Variants in ELAVL2 observed in about 807,000 individuals in gnomAD.
ELAVL2 encodes the protein ELAV-like protein 2.
Under a neutral mutation model 34.6 loss-of-function variants are expected in ELAVL2, and 4 were observed. The observed-to-expected ratio is 0.12, with a 90% CI of 0.06 to 0.26. ELAVL2 has a LOEUF of 0.26. Among genes scored for constraint, ELAVL2 ranks in the 10% least tolerant of loss-of-function variants. ELAVL2 has a pLI of 1.00. For synonymous variants in ELAVL2, 193 were observed against 154.8 expected, an observed-to-expected ratio of 1.25 and a Z score of -1.83; for missense variants, 432 against 442.8, an observed-to-expected ratio of 0.98 and a Z score of 0.22.
chr9:23,833,621 T>A, the ELAVL2 span, among the ~76,000 whole-genome samples: 1 of 151,912 alleles, frequency 6.6e-6, no homozygotes, highest in African/African-American at 2.4e-5. Flanking sequence ...ATAATCTTGT[T>A]TTTTTATAAA....
chr9:23,757,810 C>T (rs1487971614), intron 2 of ELAVL2, among the ~76,000 whole-genome samples: 1 of 151,996 alleles, frequency 6.6e-6, no homozygotes, highest in Non-Finnish European at 1.5e-5. Context: ...CTACTGAAGA[C>T]ATTTCTTAAT....
At chr9:23,789,433 A>G (rs539960957) in intron 1 of ELAVL2, among the ~76,000 whole-genome samples, 1 of 152,336 alleles carries the variant, frequency 6.6e-6, no homozygotes, top group East Asian at 1.9e-4. Context: ...TGTGTCCTCA[A>G]CTGAATTCTT....
At chr9:23,725,139 A>G (rs1318307455) in intron 3 of ELAVL2, among the ~76,000 whole-genome samples, 1 of 152,230 alleles carries the variant, frequency 6.6e-6, no homozygotes, top group East Asian at 1.9e-4. Context: ...TAAATACAAA[A>G]CAAACCTTCC....
At chr9:23,693,559 A>T in intron 5 of ELAVL2, 73 bp from the exon 6 acceptor site, 1 of 1,539,650 alleles carries the variant, frequency 6.5e-7, no homozygotes, top group Non-Finnish European at 9.0e-7. Context: ...TGGGCTCATT[A>T]CTGCCATCTT....
At position 23,824,917 on chromosome 9, in the gene ELAVL2, C is replaced by T. The variant is rs796713441; in HGVS notation, c.-16+889G>A. On this transcript the variant is annotated intron_variant, in intron 1 of 6. Transcript: ENST00000397312. The stretch of plus-strand genomic sequence containing the variant: ...GGGTGGCTGCGAAGCCTCGCGGCTG[C>T]AGAGGGGTTCCCCCTCTCCCCGAAG... 1.5e-3 allele frequency among the ~76,000 whole-genome samples: 231 copies of T among 152,244 alleles called. 3 individuals carry two copies. The highest frequency in any genetic ancestry group is 5.4e-3 in the African/African-American group (225 of 41,526).
chr9:23,773,213 A>C (rs2057618078), intron 1 of ELAVL2, among the ~76,000 whole-genome samples: 1 of 152,206 alleles, frequency 6.6e-6, no homozygotes, highest in Non-Finnish European at 1.5e-5. Context: ...TATAAGAGTT[A>C]ATAATGTTTT....
At chr9:23,696,400 A>G (rs924368575) in intron 5 of ELAVL2, among the ~76,000 whole-genome samples, 3 of 152,150 alleles carry the variant, frequency 2.0e-5, no homozygotes, top group Non-Finnish European at 1.5e-5. Flanking sequence ...CTCAAACACA[A>G]GGACTACTAC....
At chr9:23,740,432 C>G (rs2048893756) in intron 2 of ELAVL2, among the ~76,000 whole-genome samples, 1 of 152,194 alleles carries the variant, frequency 6.6e-6, no homozygotes, top group Admixed American at 6.5e-5. Flanking sequence ...TCAACCTTTC[C>G]AAACTCAGTC....
At chr9:23,780,231 C>T (rs1374643718) in intron 1 of ELAVL2, among the ~76,000 whole-genome samples, 2 of 151,954 alleles carry the variant, frequency 1.3e-5, no homozygotes, top group Non-Finnish European at 2.9e-5. Context: ...AATCATTTTA[C>T]ACTTGTTTCC....
At chr9:23,742,348 A>T (rs1394341131) in intron 2 of ELAVL2, among the ~76,000 whole-genome samples, 1 of 152,184 alleles carries the variant, frequency 6.6e-6, no homozygotes, top group Non-Finnish European at 1.5e-5. Flanking sequence ...ATGGGGAAAA[A>T]CTACTGCAAG....
chr9:23,761,580 T>A lies in ELAVL2; in HGVS notation c.229+426A>T, dbSNP rs551908022. On this transcript the variant is annotated intron_variant, in intron 2 of 6. Transcript: ENST00000397312. Reference sequence around the variant, plus strand: ...AATGTGAACATTACCATTTATTTTATCATATATAAGCAAAATGATTATATT... The same window carrying A: ...AATGTGAACATTACCATTTATTTTAACATATATAAGCAAAATGATTATATT... Among the ~76,000 whole-genome samples the A allele has an allele frequency of 5.3e-5, 8 of 152,190 alleles. No individual in the cohort carries two copies. In the East Asian group the frequency reaches 1.5e-3, roughly 29 times the overall value.
intron 1 of ELAVL2, among the ~76,000 whole-genome samples, chr9:23,808,441 G>A (rs1321824643): frequency 6.6e-6 from 1 of 152,022 alleles, no homozygotes; most frequent in Non-Finnish European, 1.5e-5. Context: ...ATCTGCACAG[G>A]AAACCAAGAA....
At chr9:23,811,474 T>C (rs1488908328) in intron 1 of ELAVL2, among the ~76,000 whole-genome samples, 1 of 152,216 alleles carries the variant, frequency 6.6e-6, no homozygotes, top group Non-Finnish European at 1.5e-5. Flanking sequence ...GACATGGCCT[T>C]AGCCATGAAG....
intron 3 of ELAVL2, among the ~76,000 whole-genome samples, chr9:23,719,490 G>C (rs993338313): frequency 6.6e-6 from 1 of 152,058 alleles, no homozygotes; most frequent in Non-Finnish European, 1.5e-5. Context: ...AAAAATCCTT[G>C]GTTTCTTATT....
chr9:23,776,621 A>G (rs2058231408), intron 1 of ELAVL2, among the ~76,000 whole-genome samples: 1 of 151,978 alleles, frequency 6.6e-6, no homozygotes, highest in African/African-American at 2.4e-5. Flanking sequence ...CTTCTCCAAA[A>G]CACACCTGTG....
In ELAVL2 at chr9:23,693,506, C is replaced by T. The variant is rs1371710508; in HGVS notation, c.714-20G>A. Reference sequence around the variant, plus strand: ...TCCAACCTGCAAAACACACATTTAGCAAACTTCAGTTTTTAATTTTTCCCC... The same window carrying T: ...TCCAACCTGCAAAACACACATTTAGTAAACTTCAGTTTTTAATTTTTCCCC... On this transcript the variant is annotated intron_variant, in intron 5 of 6. Coordinates refer to ENST00000397312, the MANE Select transcript of ELAVL2 (RefSeq NM_004432.5). 3.7e-6 allele frequency: 6 copies of T among 1,614,020 alleles called. No homozygotes were observed. The highest frequency in any genetic ancestry group is 5.1e-6 in the Non-Finnish European group (6 of 1,179,912).
At chr9:23,799,989 T>C (rs761405436) in intron 1 of ELAVL2, among the ~76,000 whole-genome samples, 1 of 152,090 alleles carries the variant, frequency 6.6e-6, no homozygotes, top group Non-Finnish European at 1.5e-5. Flanking sequence ...ACCTAATCTT[T>C]CCCTATGCAA....
At chr9:23,773,190 A>T (rs2057611651) in intron 1 of ELAVL2, among the ~76,000 whole-genome samples, 1 of 152,226 alleles carries the variant, frequency 6.6e-6, no homozygotes, top group Non-Finnish European at 1.5e-5. Context: ...TTAATCTGCT[A>T]CATAAGAATG....
At chr9:23,739,328 G>T (rs1404333770) in intron 2 of ELAVL2, among the ~76,000 whole-genome samples, 1 of 152,124 alleles carries the variant, frequency 6.6e-6, no homozygotes, top group Non-Finnish European at 1.5e-5. Context: ...TAGGTCAGCA[G>T]TTCTACCTTC....
Sources: gnomAD v4.1 joint callset for allele counts (sites outside exome capture counted in the v4.1 genomes callset) on GRCh38, gnomAD v4.1.1 for gene constraint, MANE v1.5 for transcripts, NCBI Gene and HGNC (gene_info 2026-07-23, HGNC 2026-07-21) for gene names.